MKNK1: variants seen among roughly 807,000 people sequenced by gnomAD.
The protein encoded by MKNK1 is MAP kinase-interacting serine/threonine-protein kinase 1.
MKNK1 carries 30 observed loss-of-function variants against 49.3 expected under a neutral mutation model. The observed-to-expected ratio is 0.61, with a 90% CI of 0.46 to 0.83. The LOEUF (loss-of-function observed/expected upper bound fraction) is 0.83, where lower values mean the gene tolerates loss of function less well. Among genes scored for constraint, MKNK1 ranks in the 40% least tolerant of loss-of-function variants. The pLI, the probability that MKNK1 is intolerant of heterozygous loss-of-function variation, is 0.00. For synonymous variants in MKNK1, 176 were observed against 201.7 expected (o/e 0.87, Z 1.08); for missense variants, 423 against 524.7 (o/e 0.81, Z 1.89).
chr1:46,602,075 T>A (rs1288226046), intron 1 of MKNK1, among the ~76,000 whole-genome samples: 2 of 152,018 alleles, frequency 1.3e-5, no homozygotes, highest in African/African-American at 4.8e-5. Context: ...GAAGAGAGAA[T>A]ATAAGCAAAG....
At chr1:46,581,063 T>G (rs959857090) in intron 3 of MKNK1, among the ~76,000 whole-genome samples, 1 of 151,808 alleles carries the variant, frequency 6.6e-6, no homozygotes, top group Non-Finnish European at 1.5e-5. Context: ...CTCTAAAATA[T>G]ATATACGCAT....
intron 3 of MKNK1, among the ~76,000 whole-genome samples, chr1:46,582,286 G>A (rs144560683): frequency 1.4e-4 from 22 of 152,234 alleles, no homozygotes; most frequent in African/African-American, 4.1e-4. Flanking sequence ...GTTCCATCAC[G>A]GTTTGGTCTT....
chr1:46,562,749 C>G lies in MKNK1; in HGVS notation c.704G>C (p.Gly235Ala). 6.2e-7 allele frequency: 1 copy of G among 1,607,826 alleles called. No homozygotes were observed. The highest frequency in any genetic ancestry group is 8.5e-7 in the Non-Finnish European group (1 of 1,176,860). The change falls in exon 10 of 13, where the codon GGC becomes GCC. Residue 235 changes from glycine to alanine, a missense_variant. Physicochemically the swap from Gly to Ala is moderately conservative, Grantham distance 60 (BLOSUM62 0). Transcript: ENST00000371945. Reference protein sequence around the residue: ...YDKRCDLWSLGVVLYIMLSGY... With the variant: ...YDKRCDLWSLAVVLYIMLSGY... ...ACTCAGCATGATGTAGAGGACCACGCCCAGGCTCCACAGGTCACAGCGCTT... is the reference window on the plus strand; with the variant it reads ...ACTCAGCATGATGTAGAGGACCACGGCCAGGCTCCACAGGTCACAGCGCTT...
At chr1:46,564,617 C>T (rs1432591485) in intron 9 of MKNK1, among the ~76,000 whole-genome samples, 1 of 151,698 alleles carries the variant, frequency 6.6e-6, no homozygotes, top group Admixed American at 6.6e-5. Context: ...GCTGGGATTA[C>T]AGGTGCGCGC....
chr1:46,598,392 A>C (rs369022130), intron 1 of MKNK1, among the ~76,000 whole-genome samples: 2 of 152,194 alleles, frequency 1.3e-5, no homozygotes, highest in South Asian at 4.1e-4. Flanking sequence ...CTGCCATGTT[A>C]TGCATTGCAA....
chr1:46,579,880 C>T (rs1254798256), intron 4 of MKNK1, among the ~76,000 whole-genome samples: 1 of 143,922 alleles, frequency 6.9e-6, no homozygotes, highest in Non-Finnish European at 1.5e-5. Context: ...GTTTTGTTTT[C>T]TTCTTTTAAT....
chr1:46,594,841 A>G (rs1367232521), intron 1 of MKNK1: 2 of 415,508 alleles, frequency 4.8e-6, no homozygotes, highest in East Asian at 1.9e-4. Context: ...AAAAATACTA[A>G]AATTAGCCAG....
chr1:46,575,170 C>T (rs142321416), intron 5 of MKNK1, 150 bp from the exon 6 acceptor site: 7 of 584,346 alleles, frequency 1.2e-5, no homozygotes, highest in South Asian at 2.2e-5. Flanking sequence ...TAAAGACCCG[C>T]GTATGGAAGC....
chr1:46,567,653 G>C (rs370479009), intron 8 of MKNK1, among the ~76,000 whole-genome samples: 1 of 152,180 alleles, frequency 6.6e-6, no homozygotes, highest in Admixed American at 6.5e-5. Flanking sequence ...TTATTTATGA[G>C]CCGCGGCTTC....
chr1:46,558,108 G>C lies in MKNK1; in HGVS notation c.*467C>G, dbSNP rs868185836. The C allele has an allele frequency of 1.9e-5, 3 of 157,690 alleles. No homozygotes were observed. Among genetic ancestry groups the C allele is most frequent in the Middle Eastern group, 3.0e-3 (1 of 328 alleles). The allele number at this position is 157,690 out of a possible 1,614,324, so 9.8% of individuals were successfully genotyped here. Reference sequence around the variant, plus strand: ...GCCAAGGGAGAAGACGGGCAAAGAGGACATCCGGAGGACAGAGGAAGGTGG... The same window carrying C: ...GCCAAGGGAGAAGACGGGCAAAGAGCACATCCGGAGGACAGAGGAAGGTGG... On this transcript the variant is annotated 3_prime_UTR_variant, in exon 13 of 13. Transcript: ENST00000371945.
chr1:46,595,365 C>T (rs75330854), intron 1 of MKNK1, among the ~76,000 whole-genome samples: 66 of 152,200 alleles, frequency 4.3e-4, no homozygotes, highest in East Asian at 4.3e-3. Flanking sequence ...GGGTGTGTTT[C>T]ACCATGACCT....
At chr1:46,598,575 A>C (rs1674363328) in intron 1 of MKNK1, among the ~76,000 whole-genome samples, 1 of 152,246 alleles carries the variant, frequency 6.6e-6, no homozygotes, top group African/African-American at 2.4e-5. Flanking sequence ...TAAAGCTCAC[A>C]TTCATTGAGC....
At position 46,589,699 on chromosome 1, in the gene MKNK1, A is replaced by G. The variant is rs980645947; in HGVS notation, c.-3+4414T>C. 6.6e-6 allele frequency among the ~76,000 whole-genome samples: 1 copy of G among 152,106 alleles called. No homozygotes were observed. The highest frequency in any genetic ancestry group is 1.5e-5 in the Non-Finnish European group (1 of 68,014). On this transcript the variant is annotated intron_variant, in intron 2 of 12. Transcript: ENST00000371945. The surrounding 1 kb of genome is among the most constrained non-coding windows in gnomAD (Gnocchi z 4.3). ...CTCATAGAGCAGATGAGGAAGGGTT[A>G]TGGAGGCTCCCTAGAAGGACTACTG...
Position 46,589,484 on chromosome 1 carries a change from C to T in MKNK1, c.-3+4629G>A, listed in dbSNP as rs1353157848. ...AGCTCACAAGCAGTCTCATCGTCAT[C>T]GATGATAATAAATGTCTCCATTCCT... On this transcript the variant is annotated intron_variant, in intron 2 of 12. Coordinates refer to ENST00000371945, the MANE Select transcript of MKNK1 (RefSeq NM_001135553.4). This position sits in a 1 kb window ranked among gnomAD's most constrained non-coding sequence, Gnocchi z 4.3. 1.3e-5 allele frequency among the ~76,000 whole-genome samples: 2 copies of T among 152,144 alleles called. No individual in the cohort carries two copies. Among genetic ancestry groups the T allele is most frequent in the East Asian group, 1.9e-4 (1 of 5,200 alleles).
Position 46,565,113 on chromosome 1 carries a change from G to A in MKNK1, c.537C>T (p.Asp179=), listed in dbSNP as rs749108367. ...PEKVSPVKIC[D]FDLGSGMKLN... ...GTTTCATCCCACTGCCCAAGTCAAA[G>A]TCACAGATTTTCACTGGAGACACCT... Residue 179 remains aspartate (D), a synonymous_variant, in exon 9 of 13, where the codon GAC becomes GAT. Coordinates refer to ENST00000371945, the MANE Select transcript of MKNK1 (RefSeq NM_001135553.4). 3.7e-6 allele frequency: 6 copies of A among 1,614,172 alleles called. No homozygotes were observed. The South Asian group carries it at 6.6e-5, about 18-fold the overall frequency.
intron 3 of MKNK1, chr1:46,582,768 A>C (rs1671935185): frequency 2.4e-6 from 1 of 420,220 alleles, no homozygotes; most frequent in Non-Finnish European, 4.8e-6. Context: ...AGTCAAACAC[A>C]CACAGCATAA....
chr1:46,561,704 T>C, intron 10 of MKNK1, 62 bp from the exon 11 acceptor site: 1 of 1,573,796 alleles, frequency 6.4e-7, no homozygotes, highest in African/African-American at 1.4e-5. Flanking sequence ...GTGCCTGTCA[T>C]TGTTTTGATC....
At chr1:46,561,687 G>A in intron 10 of MKNK1, 45 bp from the exon 11 acceptor site, 1 of 1,597,518 alleles carries the variant, frequency 6.3e-7, no homozygotes, top group Non-Finnish European at 8.6e-7. Flanking sequence ...CCAGGGATGG[G>A]CAGGATGTGC....
At chr1:46,587,431 C>T (rs564755709) in intron 2 of MKNK1, among the ~76,000 whole-genome samples, 1 of 152,328 alleles carries the variant, frequency 6.6e-6, no homozygotes, top group African/African-American at 2.4e-5. Flanking sequence ...AGAACCAAGG[C>T]CAAGTTACTG....
Sources: allele counts gnomAD v4.1 joint callset (sites outside exome capture counted in the v4.1 genomes callset), GRCh38; gene constraint gnomAD v4.1.1; non-coding constraint Gnocchi (gnomAD v3.1); transcripts MANE v1.5; gene names NCBI Gene and HGNC (gene_info 2026-07-23, HGNC 2026-07-21).